The following APLF variants were observed in gnomAD, a reference collection of about 807,000 sequenced individuals.
APLF encodes aprataxin and PNK-like factor.
APLF carries 61 observed loss-of-function variants against 55.6 expected under a neutral mutation model. That is an observed-to-expected ratio of 1.10 (90% CI 0.89 to 1.36). The LOEUF is 1.36. APLF is among the 40% of genes most tolerant of loss of function. The pLI, the probability that APLF is intolerant of heterozygous loss-of-function variation, is 0.00. For missense variants in APLF, 611 were observed against 602.5 expected (o/e 1.01, Z -0.15); for synonymous variants, 207 against 214.8 (o/e 0.96, Z 0.32).
At chr2:68,477,118 C>T (rs1177995659) in intron 1 of APLF, among the ~76,000 whole-genome samples, 2 of 152,126 alleles carry the variant, frequency 1.3e-5, no homozygotes, top group Non-Finnish European at 2.9e-5. Context: ...CACACACAAA[C>T]ACAGAGTGTA....
intron 1 of APLF, 29 bp downstream of exon 1, chr2:68,467,856 C>G (rs1675478694): frequency 1.6e-6 from 2 of 1,230,094 alleles, no homozygotes; most frequent in East Asian, 6.3e-5. Flanking sequence ...TTAGCGGACC[C>G]CGAGAGCCGT....
At chr2:68,535,567 A>G (rs1209422966) in intron 6 of APLF, among the ~76,000 whole-genome samples, 3 of 151,178 alleles carry the variant, frequency 2.0e-5, no homozygotes, top group Non-Finnish European at 4.4e-5. Context: ...TAGTAAGAAT[A>G]TAATTAATTT....
At position 68,517,699 on chromosome 2, in the gene APLF, CAAT is replaced by C. The variant is rs764304652; in HGVS notation, c.622+4024_622+4026del. On this transcript the variant is annotated intron_variant, in intron 5 of 9. Transcript: ENST00000303795. ...TCACTAATATGTTATTAACATGTAA[CAAT>C]AATATATCACTAATATATGTTAATA... Among the ~76,000 whole-genome samples the C allele has an allele frequency of 1.8e-4, 26 of 144,326 alleles. No individual in the cohort carries two copies. The South Asian group carries it at 3.4e-3, about 19-fold the overall frequency. The allele number at this position is 144,326 out of a possible 152,430, so 94.7% of individuals were successfully genotyped here. A position where few individuals can be genotyped will look rare whatever the true frequency, so the allele number is the denominator to read the frequency against.
chr2:68,518,783 T>C (rs1487032196), intron 5 of APLF, among the ~76,000 whole-genome samples: 1 of 80,434 alleles, frequency 1.2e-5, no homozygotes, highest in African/African-American at 5.3e-5. Context: ...TATCATTATA[T>C]AATAAAATAT....
At chr2:68,499,795 G>A (rs887953831) in intron 2 of APLF, among the ~76,000 whole-genome samples, 1 of 152,098 alleles carries the variant, frequency 6.6e-6, no homozygotes, top group African/African-American at 2.4e-5. Context: ...TAGAGATCAT[G>A]CCACTGCACT....
chr2:68,524,389 C>T (rs561534602), intron 5 of APLF, among the ~76,000 whole-genome samples: 18 of 152,156 alleles, frequency 1.2e-4, no homozygotes, highest in African/African-American at 4.3e-4. Flanking sequence ...ACTTGAATGT[C>T]CTTTAGAACT....
intron 5 of APLF, among the ~76,000 whole-genome samples, chr2:68,516,876 AAT>A (rs1207787516): frequency 6.7e-5 from 9 of 134,444 alleles, no homozygotes; most frequent in Non-Finnish European, 1.4e-4. Context: ...AATTATATAT[AAT>A]GTTATATATA....
chr2:68,476,999 G>A (rs990879738), intron 1 of APLF, among the ~76,000 whole-genome samples: 1 of 152,046 alleles, frequency 6.6e-6, no homozygotes, highest in Non-Finnish European at 1.5e-5. Context: ...AAATTAAAAA[G>A]ATATGTCATG....
chr2:68,534,321 T>C (rs1670332744), intron 6 of APLF, among the ~76,000 whole-genome samples: 1 of 152,042 alleles, frequency 6.6e-6, no homozygotes, highest in African/African-American at 2.4e-5. Context: ...GGGCTAGAGG[T>C]TAGGAGTTTT....
rs138860489 is a variant in APLF at position 68,536,913 on chromosome 2, T to TATTA, written c.805-959_805-958insATTA. 5.4e-3 allele frequency among the ~76,000 whole-genome samples: 829 copies of TATTA among 152,174 alleles called. 4 individuals carry two copies. The highest frequency in any genetic ancestry group is 0.019 in the African/African-American group (792 of 41,520). ...TAGGCATGGTGTCTCATGCCTGTAA[T>TATTA]CCCAACACTTTGAGAAGCCAGGGCA... On this transcript the variant is annotated intron_variant, in intron 6 of 9. Coordinates refer to ENST00000303795, the MANE Select transcript of APLF (RefSeq NM_173545.3).
At chr2:68,537,106 A>G (rs914055932) in intron 6 of APLF, among the ~76,000 whole-genome samples, 3 of 151,648 alleles carry the variant, frequency 2.0e-5, no homozygotes, top group South Asian at 2.1e-4. Flanking sequence ...CGGAGGTTGC[A>G]GTGAGCAGAT....
chr2:68,481,069 ATTTTCTTTTTGT>A (rs1423392007), intron 1 of APLF, among the ~76,000 whole-genome samples: 1 of 151,796 alleles, frequency 6.6e-6, no homozygotes, highest in Non-Finnish European at 1.5e-5. Context: ...TTGACTTGTA[ATTTTCTTTTTGT>A]TTGTGTGTCC....
At chr2:68,521,113 GA>G (rs1264659406) in intron 5 of APLF, among the ~76,000 whole-genome samples, 3 of 151,764 alleles carry the variant, frequency 2.0e-5, no homozygotes, top group Admixed American at 2.0e-4. Context: ...GTAAAGGGTT[GA>G]GTTCTTGATT....
At chr2:68,528,580 C>G in intron 6 of APLF, 2 of 1,534,036 alleles carry the variant, frequency 1.3e-6, no homozygotes, top group Non-Finnish European at 1.7e-6. Context: ...TGTCCTCCCC[C>G]ACCGTCAGCA....
chr2:68,528,238 G>T (rs1331929514), intron 6 of APLF: 77 of 1,216,780 alleles, frequency 6.3e-5, no homozygotes, highest in Non-Finnish European at 8.5e-5. Flanking sequence ...CACCATGCCT[G>T]CCCTGCTGTC....
intron 1 of APLF, among the ~76,000 whole-genome samples, chr2:68,470,437 C>CTA (rs1173196947): frequency 3.9e-5 from 6 of 152,208 alleles, no homozygotes; most frequent in Admixed American, 6.5e-5. Flanking sequence ...ATATATTGTA[C>CTA]TATAGTTTTG....
intron 5 of APLF, among the ~76,000 whole-genome samples, chr2:68,513,987 A>G (rs887136219): frequency 2.6e-5 from 4 of 151,846 alleles, no homozygotes; most frequent in Non-Finnish European, 4.4e-5. Context: ...AGGCCAGCAC[A>G]ATAAGAGGGT....
intron 7 of APLF, among the ~76,000 whole-genome samples, chr2:68,538,907 AGTT>A (rs1284408874): frequency 6.6e-6 from 1 of 152,172 alleles, no homozygotes; most frequent in African/African-American, 2.4e-5. Context: ...CCTTTCCAGT[AGTT>A]TGTCTTCTGT....
At chr2:68,567,441 A>G in intron 9 of APLF, 54 bp downstream of exon 9, 5 of 1,350,290 alleles carry the variant, frequency 3.7e-6, no homozygotes, top group East Asian at 4.8e-5. Flanking sequence ...TGATTTTCCT[A>G]TTAAACCTAG....
Sources: allele counts gnomAD v4.1 joint callset (sites outside exome capture counted in the v4.1 genomes callset), GRCh38; gene constraint gnomAD v4.1.1; transcripts MANE v1.5; gene names NCBI Gene and HGNC (gene_info 2026-07-23, HGNC 2026-07-21).